The following DDX31 variants were observed in gnomAD, a reference collection of about 807,000 sequenced individuals.
DDX31 encodes the protein DEAD-box helicase 31.
Under a neutral mutation model 91.3 loss-of-function variants are expected in DDX31, and 70 were observed. The ratio of observed to expected loss-of-function variants is 0.77; its 90% CI spans 0.63 to 0.94. The LOEUF (loss-of-function observed/expected upper bound fraction) is 0.94. Among genes scored for constraint, DDX31 ranks in the 40% least tolerant of loss-of-function variants. The probability of loss-of-function intolerance (pLI) is 0.00; values close to 1 mark genes in which losing one functional copy is unlikely to be tolerated. For synonymous variants in DDX31, 362 were observed against 350.6 expected (o/e 1.03, Z -0.36); for missense variants, 902 against 925.0 (o/e 0.98, Z 0.32).
intron 1 of DDX31, among the ~76,000 whole-genome samples, chr9:132,664,646 C>T (rs545340621): frequency 6.9e-6 from 1 of 144,094 alleles, no homozygotes; most frequent in African/African-American, 2.6e-5. Flanking sequence ...GAGGTCAAGG[C>T]TGGATTGAGT....
At chr9:132,606,897 T>C (rs1353313480) in intron 19 of DDX31, among the ~76,000 whole-genome samples, 2 of 152,166 alleles carry the variant, frequency 1.3e-5, no homozygotes, top group African/African-American at 2.4e-5. Context: ...TATTAAACAA[T>C]TGCTGAATGA....
chr9:132,614,530 A>C (rs924359709), intron 18 of DDX31, among the ~76,000 whole-genome samples: 3 of 152,124 alleles, frequency 2.0e-5, no homozygotes, highest in Admixed American at 6.5e-5. Flanking sequence ...AAACCAAGTC[A>C]AGCCGAAACC....
chr9:132,627,371 T>G (rs1395426163), intron 16 of DDX31, among the ~76,000 whole-genome samples: 3 of 151,938 alleles, frequency 2.0e-5, no homozygotes, highest in Non-Finnish European at 4.4e-5. Context: ...TGATTTACAG[T>G]TTAAAAGGGC....
chr9:132,657,886 A>C (rs1324010367), intron 6 of DDX31, among the ~76,000 whole-genome samples: 1 of 152,196 alleles, frequency 6.6e-6, no homozygotes, highest in Middle Eastern at 3.2e-3. Context: ...ACATAATCTC[A>C]AAAATGAGGT....
intron 10 of DDX31, 63 bp downstream of exon 10, chr9:132,648,369 G>A: frequency 1.2e-6 from 2 of 1,605,182 alleles, no homozygotes; most frequent in East Asian, 2.2e-5. Context: ...TACAGAAGTT[G>A]CAACAAGGAG....
Position 132,595,361 on chromosome 9 carries a change from G to C in DDX31, c.1995-249C>G, listed in dbSNP as rs1198339202. The stretch of plus-strand genomic sequence containing the variant: ...TAAAAGTGAGGCTTTGTTCTGTGTT[G>C]TTTTCATGGGGAAAAAAAGAACTAT... On this transcript the variant is annotated intron_variant, in intron 19 of 19. Transcript: ENST00000372159. The surrounding 1 kb of genome is among the most constrained non-coding windows in gnomAD (Gnocchi z 4.6). Among the ~76,000 whole-genome samples, 1 of 152,132 alleles carries C rather than the reference G, an allele frequency of 6.6e-6. No homozygotes were observed. Among genetic ancestry groups the C allele is most frequent in the African/African-American group, 2.4e-5 (1 of 41,416 alleles).
chr9:132,650,372 T>C (rs757395612), intron 8 of DDX31, 74 bp from the exon 9 acceptor site: 361 of 1,439,822 alleles, frequency 2.5e-4, no homozygotes, highest in Non-Finnish European at 3.2e-4. Flanking sequence ...CCAAATTCCC[T>C]TTCCTTAAAC....
chr9:132,612,828 C>A (rs777767641), intron 18 of DDX31, among the ~76,000 whole-genome samples: 1 of 152,148 alleles, frequency 6.6e-6, no homozygotes, highest in Non-Finnish European at 1.5e-5. Context: ...CACCAATGCC[C>A]CCTTCACCAC....
intron 14 of DDX31, chr9:132,638,087 C>A: frequency 7.8e-7 from 1 of 1,285,624 alleles, no homozygotes. Context: ...AAAAGAAATG[C>A]ACGCGCCGGA....
chr9:132,647,660 T>C (rs1298708407), intron 11 of DDX31, among the ~76,000 whole-genome samples: 1 of 152,162 alleles, frequency 6.6e-6, no homozygotes, highest in African/African-American at 2.4e-5. Flanking sequence ...TGACTCACTG[T>C]GTGGGGTGGA....
chr9:132,617,547 G>A (rs1229895018), intron 18 of DDX31, among the ~76,000 whole-genome samples: 1 of 151,970 alleles, frequency 6.6e-6, no homozygotes, highest in African/African-American at 2.4e-5. Flanking sequence ...AAAAAGAAAG[G>A]ATGCTACAGT....
In DDX31 at chr9:132,642,056, G is replaced by A; in HGVS notation, c.1388C>T (p.Thr463Ile). 4 of 1,614,144 alleles carry A rather than the reference G, an allele frequency of 2.5e-6. No individual in the cohort carries two copies. Among genetic ancestry groups the A allele is most frequent in the South Asian group, 2.2e-5 (2 of 91,084 alleles). The change falls in exon 14 of 20, where the codon ACA becomes ATA. Residue 463 changes from threonine (T) to isoleucine (I), a missense_variant. Physicochemically the swap from Thr to Ile is moderately conservative, Grantham distance 89. Transcript: ENST00000372159. The stretch of plus-strand genomic sequence containing the variant: ...ATGTGAAAATTCCTGAAACACTGCT[G>A]TTCTTTCCTACAAAAACAAGGAAAA... Reference protein sequence around the residue: ...LHGGMEQEERTAVFQEFSHSR... With the variant: ...LHGGMEQEERIAVFQEFSHSR...
chr9:132,596,561 C>T (rs75965778), intron 19 of DDX31, among the ~76,000 whole-genome samples: 2 of 152,276 alleles, frequency 1.3e-5, no homozygotes, highest in East Asian at 3.9e-4. Context: ...GATTCACATA[C>T]ACAATCTCTT....
At chr9:132,654,053 A>T (rs1040865649) in intron 6 of DDX31, among the ~76,000 whole-genome samples, 5 of 152,202 alleles carry the variant, frequency 3.3e-5, no homozygotes, top group Non-Finnish European at 7.3e-5. Context: ...GTTTAATTCA[A>T]AAGTCCTGTG....
intron 13 of DDX31, among the ~76,000 whole-genome samples, chr9:132,645,359 C>T (rs1170509796): frequency 1.4e-4 from 22 of 152,162 alleles, no homozygotes; most frequent in Non-Finnish European, 1.5e-5. Flanking sequence ...ACTGGGAACC[C>T]GAAGCCCCTT....
At chr9:132,596,030 A>G (rs1394480443) in intron 19 of DDX31, among the ~76,000 whole-genome samples, 2 of 152,242 alleles carry the variant, frequency 1.3e-5, no homozygotes, top group African/African-American at 2.4e-5. Context: ...AATTACCAAT[A>G]AATCCACACT....
intron 18 of DDX31, among the ~76,000 whole-genome samples, chr9:132,616,523 G>A (rs934738777): frequency 3.9e-5 from 6 of 152,220 alleles, no homozygotes; most frequent in African/African-American, 1.4e-4. Flanking sequence ...AGGTGACAGT[G>A]TGGGTTTGAT....
chr9:132,657,678 GT>G (rs1324548662), intron 6 of DDX31, among the ~76,000 whole-genome samples: 1 of 152,170 alleles, frequency 6.6e-6, no homozygotes, highest in Non-Finnish European at 1.5e-5. Context: ...GCTTTTGTCT[GT>G]TTTTTGCAGT....
At chr9:132,644,618 G>T (rs1298332646) in intron 13 of DDX31, among the ~76,000 whole-genome samples, 1 of 152,192 alleles carries the variant, frequency 6.6e-6, no homozygotes, top group Non-Finnish European at 1.5e-5. Flanking sequence ...TCTTGTGTGT[G>T]ATCTATTACA....
Sources: gnomAD v4.1 joint callset for allele counts (sites outside exome capture counted in the v4.1 genomes callset) on GRCh38, gnomAD v4.1.1 for gene constraint, Gnocchi (gnomAD v3.1) non-coding constraint, MANE v1.5 for transcripts, NCBI Gene and HGNC (gene_info 2026-07-23, HGNC 2026-07-21) for gene names.